The following RSPRY1 variants were observed in gnomAD, a reference collection of about 807,000 sequenced individuals.
The protein encoded by RSPRY1 is ring finger and SPRY domain containing 1.
Under a neutral mutation model 73.1 loss-of-function variants are expected in RSPRY1, and 23 were observed. The ratio of observed to expected loss-of-function variants is 0.31; its 90% CI spans 0.23 to 0.45. The LOEUF is 0.45. RSPRY1 is among the 20% of genes least tolerant of loss of function. The probability of loss-of-function intolerance (pLI) is 1.00; values close to 1 mark genes in which losing one functional copy is unlikely to be tolerated. For synonymous variants in RSPRY1, 226 were observed against 251.4 expected, an observed-to-expected ratio of 0.90 and a Z score of 0.95; for missense variants, 448 against 698.7, an observed-to-expected ratio of 0.64 and a Z score of 4.05.
chr16:57,230,002 GC>G (rs2075187359), intron 11 of RSPRY1, among the ~76,000 whole-genome samples: 1 of 104,108 alleles, frequency 9.6e-6, no homozygotes. Context: ...ACCACGCCCT[GC>G]CCTTTTTTTT....
intron 14 of RSPRY1, among the ~76,000 whole-genome samples, chr16:57,237,723 AT>A (rs1295855718): frequency 6.6e-6 from 1 of 150,780 alleles, no homozygotes; most frequent in African/African-American, 2.4e-5. Flanking sequence ...TTATTTATTT[AT>A]TTTTTGAGAC....
At chr16:57,230,348 G>T (rs1567515301) in intron 11 of RSPRY1, among the ~76,000 whole-genome samples, 1 of 152,176 alleles carries the variant, frequency 6.6e-6, no homozygotes. Context: ...ATATTTTGGG[G>T]TAGTTATCTA....
intron 1 of RSPRY1, among the ~76,000 whole-genome samples, chr16:57,199,956 G>A (rs1294466902): frequency 1.5e-5 from 2 of 135,982 alleles, no homozygotes; most frequent in Admixed American, 7.6e-5. Context: ...GTTTCTCGCA[G>A]AGGGGGATTT....
intron 10 of RSPRY1, among the ~76,000 whole-genome samples, chr16:57,222,037 G>A: frequency 6.6e-6 from 1 of 152,134 alleles, no homozygotes. Context: ...GCTTTCTTCT[G>A]ATGATCAAAT....
At chr16:57,226,097 A>C (rs2034528105) in intron 10 of RSPRY1, among the ~76,000 whole-genome samples, 1 of 152,178 alleles carries the variant, frequency 6.6e-6, no homozygotes, top group African/African-American at 2.4e-5. Flanking sequence ...AAAAAGAAGA[A>C]ACTGCCAAGG....
At chr16:57,235,089 G>C in intron 13 of RSPRY1, 35 bp from the exon 14 acceptor site, 7 of 1,511,428 alleles carry the variant, frequency 4.6e-6, no homozygotes, top group Non-Finnish European at 6.4e-6. Context: ...GACCCCTGTT[G>C]ACAAAATGTA....
At chr16:57,208,400 A>ATT (rs1455912780) in intron 3 of RSPRY1, among the ~76,000 whole-genome samples, 2,128 of 49,944 alleles carry the variant, frequency 0.043, 82 homozygotes, top group Middle Eastern at 0.1. Context: ...ATATATATAT[A>ATT]TTTTTTTTTT....
intron 4 of RSPRY1, 56 bp from the exon 5 acceptor site, chr16:57,212,916 G>A: frequency 6.5e-7 from 1 of 1,546,864 alleles, no homozygotes; most frequent in East Asian, 2.3e-5. Flanking sequence ...AAATGAGCCT[G>A]GGAAAACAAC....
At chr16:57,201,049 G>A (rs2074584782) in intron 1 of RSPRY1, among the ~76,000 whole-genome samples, 1 of 151,552 alleles carries the variant, frequency 6.6e-6, no homozygotes. Flanking sequence ...CGGCTGGCCG[G>A]GCGGGGGGCT....
At position 57,237,709 on chromosome 16, in the gene RSPRY1, T is replaced by A. The variant is rs916300034; in HGVS notation, c.1635-1170T>A. 8.3e-4 allele frequency among the ~76,000 whole-genome samples: 126 copies of A among 151,806 alleles called. 1 individual carries two copies. The highest frequency in any genetic ancestry group is 2.1e-3 in the African/African-American group (87 of 41,510). On this transcript the variant is annotated intron_variant, in intron 14 of 14. Transcript: ENST00000394420. ...TTTATTTTTATTTATTTATTTATTT[T>A]TATTTATTTATTTATTTTTTGAGAC... is the stretch of plus-strand genomic sequence containing the variant.
upstream of RSPRY1, chr16:57,186,178 C>T (rs576821879): frequency 5.2e-5 from 51 of 985,774 alleles, no homozygotes; most frequent in African/African-American, 8.6e-4. Flanking sequence ...GAGGACTGGC[C>T]AGTCTGCGCC....
At chr16:57,201,457 G>T (rs1437232282) in intron 1 of RSPRY1, among the ~76,000 whole-genome samples, 1 of 149,190 alleles carries the variant, frequency 6.7e-6, no homozygotes, top group Non-Finnish European at 1.5e-5. Context: ...GGGCAGAGAC[G>T]CTCCTCACTT....
Position 57,221,329 on chromosome 16 carries a change from G to A in RSPRY1, c.1075G>A (p.Gly359Arg), listed in dbSNP as rs1200135414. The stretch of plus-strand genomic sequence containing the variant: ...GCGTTGCACCTTTTGTGTGGATGCC[G>A]GGGTATGGTACTATGAAGTAACAGT... ...SVRCTFCVDAGVWYYEVTVVT... is the reference protein window; with the variant it reads ...SVRCTFCVDARVWYYEVTVVT... The change falls in exon 10 of 15, where the codon GGG (glycine) becomes AGG (arginine). Residue 359 changes from glycine (G) to arginine (R), a missense_variant. Coordinates refer to ENST00000394420, the MANE Select transcript of RSPRY1 (RefSeq NM_133368.3). 14 of 1,613,890 alleles carry A rather than the reference G, an allele frequency of 8.7e-6. No individual in the cohort carries two copies. Among genetic ancestry groups the A allele is most frequent in the Admixed American group, 1.7e-5 (1 of 59,984 alleles).
At chr16:57,213,216 T>C in intron 5 of RSPRY1, 118 bp downstream of exon 5, 6 of 998,816 alleles carry the variant, frequency 6.0e-6, no homozygotes, top group East Asian at 2.8e-5. Context: ...AAAAATGATA[T>C]TGAGAGACAT....
intron 1 of RSPRY1, among the ~76,000 whole-genome samples, chr16:57,189,129 G>A (rs1377176853): frequency 6.6e-6 from 1 of 151,894 alleles, no homozygotes; most frequent in Non-Finnish European, 1.5e-5. Context: ...AAGTAACTGG[G>A]ATTACAGGCA....
chr16:57,186,730 C>T (rs2074200082), intron 1 of RSPRY1: 1 of 151,904 alleles, frequency 6.6e-6, no homozygotes, highest in Admixed American at 6.6e-5. Flanking sequence ...GGGTCCTCAC[C>T]AGAAGAGGTT....
chr16:57,231,111 A>G, intron 12 of RSPRY1, 56 bp from the exon 13 acceptor site: 1 of 1,522,634 alleles, frequency 6.6e-7, no homozygotes, highest in Non-Finnish European at 9.0e-7. Flanking sequence ...TCTATCTATT[A>G]ACTCTATTTT....
chr16:57,239,104 C>T lies in RSPRY1; in HGVS notation c.*129C>T, dbSNP rs963772733. The T allele has an allele frequency of 2.4e-6, 1 of 415,236 alleles. No individual in the cohort carries two copies. Among genetic ancestry groups the T allele is most frequent in the South Asian group, 5.9e-5 (1 of 16,986 alleles). 25.7% of individuals were successfully genotyped at this position (415,236 alleles called of 1,614,324 possible). On this transcript the variant is annotated 3_prime_UTR_variant, in exon 15 of 15. Coordinates refer to ENST00000394420, the MANE Select transcript of RSPRY1 (RefSeq NM_133368.3). ...CTTATAGCCATGGCCAGATTTTATG[C>T]TAAAAATGGTAGTTTGTCAAAGACA...
intron 10 of RSPRY1, among the ~76,000 whole-genome samples, chr16:57,226,166 A>C (rs149917070): frequency 2.0e-4 from 31 of 152,368 alleles, no homozygotes; most frequent in African/African-American, 7.5e-4. Flanking sequence ...AGTGTCCACT[A>C]TAACCTTTCT....
Sources: gnomAD v4.1 joint callset for allele counts (sites outside exome capture counted in the v4.1 genomes callset) on GRCh38, gnomAD v4.1.1 for gene constraint, MANE v1.5 for transcripts, NCBI Gene and HGNC (gene_info 2026-07-23, HGNC 2026-07-21) for gene names.